BCAS1: variants seen among roughly 807,000 people sequenced by gnomAD.
BCAS1 encodes breast carcinoma-amplified sequence 1.
Under a neutral mutation model 65.4 loss-of-function variants are expected in BCAS1, and 46 were observed. The ratio of observed to expected loss-of-function variants is 0.70; its 90% CI spans 0.55 to 0.90. The LOEUF (loss-of-function observed/expected upper bound fraction) is 0.90. Ranked by LOEUF, BCAS1 falls within the 40% of genes least tolerant of loss-of-function variation. BCAS1 has a pLI of 0.00. For synonymous variants in BCAS1, 298 were observed against 293.5 expected (o/e 1.02, Z -0.16); for missense variants, 793 against 771.2 (o/e 1.03, Z -0.33).
intron 1 of BCAS1, among the ~76,000 whole-genome samples, chr20:54,063,468 C>T (rs2146359104): frequency 6.6e-6 from 1 of 152,318 alleles, no homozygotes. Flanking sequence ...TAGTGAGACT[C>T]TACCGAGGAA....
intron 8 of BCAS1, among the ~76,000 whole-genome samples, chr20:53,983,852 T>G (rs2090545602): frequency 6.6e-6 from 1 of 152,322 alleles, no homozygotes; most frequent in East Asian, 1.9e-4. Flanking sequence ...CAGAACTCTC[T>G]GTAGTCTGAA....
At chr20:53,990,111 C>G (rs2090717855) in intron 7 of BCAS1, among the ~76,000 whole-genome samples, 1 of 152,152 alleles carries the variant, frequency 6.6e-6, no homozygotes, top group African/African-American at 2.4e-5. Flanking sequence ...GATGTAAACA[C>G]TACACCAAGA....
At chr20:54,058,590 G>GTTATTT in intron 2 of BCAS1, 57 bp downstream of exon 2, 1 of 1,259,250 alleles carries the variant, frequency 7.9e-7, no homozygotes, top group Non-Finnish European at 1.1e-6. Flanking sequence ...AATACAGGAA[G>GTTATTT]TTCTTTTTTT....
Position 53,996,022 on chromosome 20 carries a change from C to G in BCAS1, c.752G>C (p.Gly251Ala). The G allele has an allele frequency of 6.2e-7, 1 of 1,604,398 alleles. No individual in the cohort carries two copies. Among genetic ancestry groups the G allele is most frequent in the Non-Finnish European group, 8.5e-7 (1 of 1,175,174 alleles). Reference sequence around the variant, plus strand: ...GCAATCCGCAGTTCCAAGTTCTTGTCCTTCTTTTTCCTTGCCGTCAACTAT... The same window carrying G: ...GCAATCCGCAGTTCCAAGTTCTTGTGCTTCTTTTTCCTTGCCGTCAACTAT... ...KDIVDGKEKE[G>A]QELGTADCSV... Residue 251 changes from glycine (G) to alanine (A), a missense_variant, in exon 5 of 13, where the codon GGA (glycine) becomes GCA (alanine). Physicochemically the swap from Gly to Ala is moderately conservative, Grantham distance 60. Coordinates refer to ENST00000688948, the MANE Select transcript of BCAS1 (RefSeq NM_001366298.2).
chr20:53,985,222 A>G (rs147578269), intron 8 of BCAS1, 65 bp downstream of exon 8: 211 of 1,477,114 alleles, frequency 1.4e-4, no homozygotes, highest in African/African-American at 1.2e-3. Context: ...AGTTAGCCCA[A>G]TAGAAATAAG....
At chr20:54,045,862 TAC>T (rs894276690) in intron 3 of BCAS1, among the ~76,000 whole-genome samples, 20 of 152,262 alleles carry the variant, frequency 1.3e-4, no homozygotes, top group Admixed American at 5.9e-4. Flanking sequence ...TCTATTCAGA[TAC>T]ACTCTTTGAA....
chr20:53,975,345 G>A, intron 9 of BCAS1, 44 bp downstream of exon 9: 1 of 1,577,054 alleles, frequency 6.3e-7, no homozygotes, highest in Non-Finnish European at 8.7e-7. Flanking sequence ...CAACATGGCG[G>A]AAGATGAGAA....
In BCAS1 at chr20:54,024,492, G is replaced by T. The variant is rs529167526; in HGVS notation, c.723+3900C>A. The stretch of plus-strand genomic sequence containing the variant: ...GACATGTGGAAGAGGAGGCAGCTGA[G>T]ACTCACGTCTGGACTTCAGGGATGG... On this transcript the variant is annotated intron_variant, in intron 4 of 12. Transcript: ENST00000688948. 2.0e-5 allele frequency among the ~76,000 whole-genome samples: 3 copies of T among 152,310 alleles called. No individual in the cohort carries two copies. In the South Asian group the frequency reaches 6.2e-4, roughly 32 times the overall value.
rs530615721 is a variant in BCAS1, at chr20:54,051,162, C to G, written c.142+6923G>C. Among the ~76,000 whole-genome samples the G allele has an allele frequency of 9.0e-4, 137 of 152,272 alleles. 1 individual carries two copies. Among genetic ancestry groups the G allele is most frequent in the African/African-American group, 3.3e-3 (136 of 41,572 alleles). The stretch of plus-strand genomic sequence containing the variant: ...GTTTCACTAAATGGAACAGCATATT[C>G]TCTTTCTAGGATGATTAATTTTGTG... On this transcript the variant is annotated intron_variant, in intron 3 of 12. Coordinates refer to ENST00000688948, the MANE Select transcript of BCAS1 (RefSeq NM_001366298.2).
At chr20:53,985,188 C>T in intron 8 of BCAS1, 99 bp downstream of exon 8, 1 of 1,172,344 alleles carries the variant, frequency 8.5e-7, no homozygotes, top group Non-Finnish European at 1.2e-6. Context: ...GAAGAAACAC[C>T]TTCCATACAT....
At chr20:54,021,174 G>A (rs1169312362) in intron 4 of BCAS1, among the ~76,000 whole-genome samples, 7 of 152,050 alleles carry the variant, frequency 4.6e-5, no homozygotes, top group Non-Finnish European at 7.4e-5. Flanking sequence ...ACACAGACAC[G>A]TGACTCAATT....
chr20:54,003,337 A>C (rs1031338145), intron 4 of BCAS1, among the ~76,000 whole-genome samples: 6 of 151,932 alleles, frequency 3.9e-5, no homozygotes, highest in Non-Finnish European at 8.8e-5. Flanking sequence ...TATGGAGTAA[A>C]TTCTTTTTTC....
rs750650918 is a variant in BCAS1, at chr20:53,995,954, C to T, written c.820G>A (p.Asp274Asn). 35 of 1,613,538 alleles carry T rather than the reference C, an allele frequency of 2.2e-5. No individual in the cohort carries two copies. In the Admixed American group the frequency reaches 3.0e-4, roughly 14 times the overall value. Residue 274 changes from aspartate to asparagine, a missense_variant, in exon 5 of 13, where the codon GAT becomes AAT. Physicochemically the swap from Asp to Asn is conservative, Grantham distance 23. Transcript: ENST00000688948. ...TCTGCTATAGCTGCTGCCTGGGAAT[C>T]GTCCTTTGCAGTCTCCAGTCCTTCT... Reference protein sequence around the residue: ...DPEGLETAKDDSQAAAIAENN... With the variant: ...DPEGLETAKDNSQAAAIAENN...
intron 12 of BCAS1, among the ~76,000 whole-genome samples, chr20:53,945,286 C>G (rs907956145): frequency 1.3e-5 from 2 of 152,078 alleles, no homozygotes; most frequent in African/African-American, 4.8e-5. Flanking sequence ...AGGGTTGTTC[C>G]CAAGATAAAG....
intron 8 of BCAS1, among the ~76,000 whole-genome samples, chr20:53,984,774 C>T (rs2090568833): frequency 6.6e-6 from 1 of 152,162 alleles, no homozygotes. Flanking sequence ...TTTGACTTTT[C>T]CTGTCATAGA....
At position 53,975,335 on chromosome 20, in the gene BCAS1, C is replaced by T. The variant is rs2090301070; in HGVS notation, c.1317+54G>A. 1.9e-6 allele frequency: 3 copies of T among 1,548,778 alleles called. No individual in the cohort carries two copies. In the Admixed American group the frequency reaches 5.1e-5, roughly 26 times the overall value. ...CCAGAGCTGAAAATGCCCAATTGTA[C>T]AACATGGCGGAAGATGAGAATGGAA... On this transcript the variant is annotated intron_variant, in intron 9 of 12. Coordinates refer to ENST00000688948, the MANE Select transcript of BCAS1 (RefSeq NM_001366298.2).
intron 3 of BCAS1, among the ~76,000 whole-genome samples, chr20:54,046,892 T>C (rs892824960): frequency 1.3e-5 from 2 of 151,748 alleles, no homozygotes; most frequent in African/African-American, 2.4e-5. Flanking sequence ...GATCAGCTTA[T>C]TTCTGCTCTA....
At chr20:54,058,191 C>T (rs1306388199) in intron 2 of BCAS1, 37 bp from the exon 3 acceptor site, 3 of 1,587,972 alleles carry the variant, frequency 1.9e-6, no homozygotes, top group Admixed American at 1.7e-5. Context: ...GACAAATCTT[C>T]GGGGGAAAAT....
intron 3 of BCAS1, among the ~76,000 whole-genome samples, chr20:54,052,722 A>G (rs1488181536): frequency 6.6e-6 from 1 of 152,194 alleles, no homozygotes; most frequent in Non-Finnish European, 1.5e-5. Context: ...TTGGAAGTAG[A>G]GAACAGGGCC....
Sources: gnomAD v4.1 joint callset for allele counts (sites outside exome capture counted in the v4.1 genomes callset) on GRCh38, gnomAD v4.1.1 for gene constraint, MANE v1.5 for transcripts, NCBI Gene and HGNC (gene_info 2026-07-23, HGNC 2026-07-21) for gene names.